RPRD2: variants seen among roughly 807,000 people sequenced by gnomAD.
RPRD2 encodes the protein regulation of nuclear pre-mRNA domain containing 2, also known as regulation of nuclear pre-mRNA domain-containing protein 2.
Under a neutral mutation model 104.4 loss-of-function variants are expected in RPRD2, and 12 were observed. The observed-to-expected ratio is 0.11, with a 90% CI of 0.07 to 0.19. RPRD2 has a LOEUF of 0.19. Among genes scored for constraint, RPRD2 ranks in the 10% least tolerant of loss-of-function variants. The pLI is 1.00. For missense variants in RPRD2, 1,543 were observed against 1,790.1 expected, an observed-to-expected ratio of 0.86 and a Z score of 2.49; for synonymous variants, 714 against 684.9, an observed-to-expected ratio of 1.04 and a Z score of -0.66.
intron 2 of RPRD2, among the ~76,000 whole-genome samples, chr1:150,420,321 AAGTG>A: frequency 6.6e-6 from 1 of 152,284 alleles, no homozygotes; most frequent in Non-Finnish European, 1.5e-5. Flanking sequence ...TCATGGAAAA[AAGTG>A]AGAAGGACAT....
intron 1 of RPRD2, among the ~76,000 whole-genome samples, chr1:150,400,785 C>A (rs1483793254): frequency 6.6e-6 from 1 of 151,884 alleles, no homozygotes; most frequent in Non-Finnish European, 1.5e-5. Context: ...AATAAATGTC[C>A]TTTGTTTGAG....
At chr1:150,398,443 A>C (rs587612855) in intron 1 of RPRD2, among the ~76,000 whole-genome samples, 4 of 151,616 alleles carry the variant, frequency 2.6e-5, no homozygotes, top group Non-Finnish European at 5.9e-5. Context: ...TGATCTGCCC[A>C]CCTTGGCCTC....
rs1668561034 is a variant in RPRD2, at chr1:150,471,107, T to C, written c.2159T>C (p.Ile720Thr). The C allele has an allele frequency of 8.1e-6, 13 of 1,613,732 alleles. No homozygotes were observed. The highest frequency in any genetic ancestry group is 3.3e-5 in the Admixed American group (2 of 59,996). The change falls in exon 11 of 11, where the codon ATT (isoleucine) becomes ACT (threonine). Residue 720 changes from isoleucine (I) to threonine (T), a missense_variant. Ile to Thr is a moderately conservative substitution (Grantham distance 89). Transcript: ENST00000369068. This position sits in a 1 kb window ranked among gnomAD's most constrained non-coding sequence, Gnocchi z 5.3. The part of the protein sequence containing the change: ...RGPTSTSIDN[I>T]DGTPVRDERS... ...CCTACTAGCACCTCAATCGACAACA[T>C]TGATGGAACCCCTGTACGGGATGAA...
intron 10 of RPRD2, among the ~76,000 whole-genome samples, chr1:150,470,098 T>TTTGAAGG (rs1234846323): frequency 6.6e-6 from 1 of 151,936 alleles, no homozygotes; most frequent in Non-Finnish European, 1.5e-5. Context: ...AGATAATAAG[T>TTTGAAGG]TTGAAGGTTG....
In RPRD2 at chr1:150,472,506, C is replaced by G; in HGVS notation, c.3558C>G (p.Phe1186Leu). 6.2e-7 allele frequency: 1 copy of G among 1,613,984 alleles called. No homozygotes were observed. Among genetic ancestry groups the G allele is most frequent in the Non-Finnish European group, 8.5e-7 (1 of 1,179,884 alleles). The change falls in exon 11 of 11, where the codon TTC becomes TTG. Residue 1186 changes from phenylalanine (F) to leucine (L), a missense_variant. By Grantham distance (22) the Phe-to-Leu change is conservative. Around this residue, in one of 4 missense-constraint regions of RPRD2, gnomAD observed 880 missense variants for 885.6 expected, o/e 0.99. Transcript: ENST00000369068. ...TCGGCAGCTTTCGTTCCAACAGTTT[C>G]AACTCAACATTTGAGCATCATCTTC... ...ESVGSFRSNS[F>L]NSTFEHHLPP...
At chr1:150,424,636 A>G (rs1553890270) in intron 2 of RPRD2, among the ~76,000 whole-genome samples, 1 of 152,174 alleles carries the variant, frequency 6.6e-6, no homozygotes, top group Admixed American at 6.6e-5. Context: ...AGTCCAGAGC[A>G]GTTAAGATAC....
chr1:150,437,873 C>T lies in RPRD2; in HGVS notation c.336-3050C>T, dbSNP rs1666116043. On this transcript the variant is annotated intron_variant, in intron 2 of 10. Transcript: ENST00000369068. Reference sequence around the variant, plus strand: ...AGAACTGCAGGCGTGAGCCACCGTGCCCAGCCTAAACTTTACAATTTTCTA... The same window carrying T: ...AGAACTGCAGGCGTGAGCCACCGTGTCCAGCCTAAACTTTACAATTTTCTA... 1.3e-5 allele frequency among the ~76,000 whole-genome samples: 2 copies of T among 151,588 alleles called. 1 individual carries two copies. Among genetic ancestry groups the T allele is most frequent in the South Asian group, 4.2e-4 (2 of 4,802 alleles).
At chr1:150,368,284 A>T (rs145102559) in intron 1 of RPRD2, among the ~76,000 whole-genome samples, 1,990 of 139,878 alleles carry the variant, frequency 0.014, 54 homozygotes, top group African/African-American at 0.05. Flanking sequence ...TTTATTTTAA[A>T]TTAATTTAAT....
At chr1:150,460,344 A>G (rs1323779120) in intron 9 of RPRD2, 27 bp downstream of exon 9, 5 of 1,580,478 alleles carry the variant, frequency 3.2e-6, no homozygotes, top group Non-Finnish European at 4.3e-6. Flanking sequence ...AGGAGGATAA[A>G]AAGTTAATTT....
chr1:150,376,001 A>G (rs1489945663), intron 1 of RPRD2, among the ~76,000 whole-genome samples: 1 of 152,244 alleles, frequency 6.6e-6, no homozygotes, highest in African/African-American at 2.4e-5. Context: ...TGTACATCTT[A>G]GGGAGAAAGT....
At chr1:150,414,561 G>A (rs1010703167) in intron 1 of RPRD2, among the ~76,000 whole-genome samples, 8 of 152,062 alleles carry the variant, frequency 5.3e-5, no homozygotes, top group South Asian at 2.1e-4. Flanking sequence ...AGGAGGACCC[G>A]GAGAGGTAGG....
chr1:150,452,343 A>G (rs1250114652), intron 7 of RPRD2, among the ~76,000 whole-genome samples: 2 of 152,166 alleles, frequency 1.3e-5, no homozygotes, highest in Non-Finnish European at 2.9e-5. Flanking sequence ...GCCTGCTGAC[A>G]TCTTAATTTT....
chr1:150,421,128 A>AT (rs1664726163), intron 2 of RPRD2, among the ~76,000 whole-genome samples: 1 of 152,196 alleles, frequency 6.6e-6, no homozygotes, highest in East Asian at 1.9e-4. Flanking sequence ...CTTAGCCTAC[A>AT]TAGAAAGTCA....
rs782254471 is a variant in RPRD2, at chr1:150,460,107, T to C, written c.1201T>C (p.Ser401Pro). The C allele has an allele frequency of 2.0e-5, 32 of 1,613,874 alleles. No individual in the cohort carries two copies. Among genetic ancestry groups the C allele is most frequent in the Non-Finnish European group, 1.0e-5 (12 of 1,179,882 alleles). ...KPAEKSAVST[S>P]VPTKPTENIS... ...TGCAGAGAAGTCAGCTGTATCCACT[T>C]CTGTACCTACAAAGCCAACAGAAAA... Residue 401 changes from serine to proline, a missense_variant, in exon 9 of 11, where the codon TCT (serine) becomes CCT (proline). Ser to Pro is a moderately conservative substitution (Grantham distance 74). Transcript: ENST00000369068.
chr1:150,457,602 T>C (rs1667623195), intron 8 of RPRD2, 32 bp downstream of exon 8: 2 of 1,593,668 alleles, frequency 1.3e-6, no homozygotes, highest in Non-Finnish European at 1.7e-6. Flanking sequence ...AGACAACTTA[T>C]TCCTTATCTG....
At chr1:150,365,916 T>TA (rs1659810924) in intron 1 of RPRD2, among the ~76,000 whole-genome samples, 1 of 152,174 alleles carries the variant, frequency 6.6e-6, no homozygotes, top group African/African-American at 2.4e-5. Context: ...TTACCTGAAA[T>TA]ACCTTTTTAC....
chr1:150,364,701 T>G lies in RPRD2; in HGVS notation c.-14T>G, dbSNP rs1309753011. 1 of 1,532,072 alleles carries G rather than the reference T, an allele frequency of 6.5e-7. No individual in the cohort carries two copies. Among genetic ancestry groups the G allele is most frequent in the Non-Finnish European group, 8.9e-7 (1 of 1,128,582 alleles). The allele number at this position is 1,532,072 out of a possible 1,614,324, so 94.9% of individuals were successfully genotyped here. ...GCCGCCAGAGGAGCAGCAGCGCTTG[T>G]GCAAACCGGGAAGATGGCGGCCGGC... is the stretch of plus-strand genomic sequence containing the variant. On this transcript the variant is annotated 5_prime_UTR_variant, in exon 1 of 11. Transcript: ENST00000369068.
At chr1:150,389,930 G>A (rs1278111056) in intron 1 of RPRD2, among the ~76,000 whole-genome samples, 1 of 152,132 alleles carries the variant, frequency 6.6e-6, no homozygotes, top group Non-Finnish European at 1.5e-5. Context: ...TAAGCCTTGG[G>A]CCCCCAGAAA....
At chr1:150,446,173 A>T (rs1372484063) in intron 6 of RPRD2, 53 bp from the exon 7 acceptor site, 8 of 1,344,854 alleles carry the variant, frequency 5.9e-6, no homozygotes, top group Non-Finnish European at 7.9e-6. Context: ...AAAAGACTAA[A>T]TTTTTTTATT....
Sources: gnomAD v4.1 joint callset for allele counts (sites outside exome capture counted in the v4.1 genomes callset) on GRCh38, gnomAD v4.1.1 for gene constraint, gnomAD v4.1.1 regional missense constraint, Gnocchi (gnomAD v3.1) non-coding constraint, MANE v1.5 for transcripts, NCBI Gene and HGNC (gene_info 2026-07-23, HGNC 2026-07-21) for gene names.